Variants in GRHL2 observed in about 807,000 individuals in gnomAD.
GRHL2 encodes the protein grainyhead-like protein 2 homolog.
Under a neutral mutation model 83.8 loss-of-function variants are expected in GRHL2, and 21 were observed. The ratio of observed to expected loss-of-function variants is 0.25; its 90% CI spans 0.18 to 0.36. The LOEUF is 0.36. Ranked by LOEUF, GRHL2 falls within the 10% of genes least tolerant of loss-of-function variation. The pLI is 1.00. For synonymous variants in GRHL2, 280 were observed against 278.9 expected (o/e 1.00, Z -0.04); for missense variants, 623 against 781.8 (o/e 0.80, Z 2.42).
Position 101,558,509 on chromosome 8 carries a change from C to G in GRHL2, c.375C>G (p.Ser125=), listed in dbSNP as rs1224579821. The change falls in exon 4 of 16, where the codon TCC becomes TCG. Residue 125 remains serine (S), a synonymous_variant. Transcript: ENST00000646743. ...TAAAGACTGTTCCAGTGAACCTTTC[C>G]CTAAATCAAGATCACCTGGAGAATT... The part of the protein sequence containing the change: ...QVLKTVPVNL[S]LNQDHLENSK... 6.2e-7 allele frequency: 1 copy of G among 1,614,044 alleles called. No individual in the cohort carries two copies. The highest frequency in any genetic ancestry group is 8.5e-7 in the Non-Finnish European group (1 of 1,180,004).
intron 2 of GRHL2, 25 bp from the exon 3 acceptor site, chr8:101,552,690 G>T: frequency 1.2e-6 from 2 of 1,612,826 alleles, no homozygotes; most frequent in South Asian, 2.2e-5. Context: ...GTGTATGTCT[G>T]ACTGATGGTT....
Position 101,612,020 on chromosome 8 carries a change from C to T in GRHL2, c.1099-7519C>T, listed in dbSNP as rs1021971131. On this transcript the variant is annotated intron_variant, in intron 8 of 15. Coordinates refer to ENST00000646743, the MANE Select transcript of GRHL2 (RefSeq NM_024915.4). ...TTTTTGAGATGGAGTCTCGCTCGCT[C>T]TGTCACCTAGGCTGGATGGAGTGCA... is the stretch of plus-strand genomic sequence containing the variant. Among the ~76,000 whole-genome samples, 7 of 150,896 alleles carry T rather than the reference C, an allele frequency of 4.6e-5. 1 individual carries two copies. Among genetic ancestry groups the T allele is most frequent in the African/African-American group, 1.5e-4 (6 of 40,302 alleles).
At chr8:101,548,770 A>C (rs1054132351) in intron 2 of GRHL2, among the ~76,000 whole-genome samples, 1 of 152,240 alleles carries the variant, frequency 6.6e-6, no homozygotes, top group Non-Finnish European at 1.5e-5. Context: ...GCAAACCCGC[A>C]GGTTAATAAC....
At chr8:101,654,575 C>CAA (rs578120629) in intron 14 of GRHL2, among the ~76,000 whole-genome samples, 15 of 152,128 alleles carry the variant, frequency 9.9e-5, no homozygotes, top group Admixed American at 9.2e-4. Flanking sequence ...AAAAAACGAA[C>CAA]AAAGAGTTTT....
At chr8:101,640,774 T>C (rs148231189) in intron 12 of GRHL2, among the ~76,000 whole-genome samples, 78 of 152,270 alleles carry the variant, frequency 5.1e-4, no homozygotes, top group Middle Eastern at 3.4e-3. Flanking sequence ...GGTTGGGTGA[T>C]CATGTGTTCA....
At chr8:101,647,235 C>T (rs1813529596) in intron 13 of GRHL2, among the ~76,000 whole-genome samples, 1 of 152,186 alleles carries the variant, frequency 6.6e-6, no homozygotes, top group Non-Finnish European at 1.5e-5. Context: ...TGTGATGGCA[C>T]ATGCCTGTAA....
intron 1 of GRHL2, among the ~76,000 whole-genome samples, chr8:101,504,680 T>C (rs1438167088): frequency 6.6e-6 from 1 of 151,988 alleles, no homozygotes; most frequent in Non-Finnish European, 1.5e-5. Context: ...TATATTTTTT[T>C]TAGAGTATAG....
chr8:101,578,512 G>A (rs1299269995), intron 7 of GRHL2, among the ~76,000 whole-genome samples: 1 of 152,210 alleles, frequency 6.6e-6, no homozygotes, highest in East Asian at 1.9e-4. Flanking sequence ...CAAAGTAGGG[G>A]AAGTCAGGGA....
chr8:101,551,088 AT>A (rs1164185533), intron 2 of GRHL2, among the ~76,000 whole-genome samples: 1 of 152,128 alleles, frequency 6.6e-6, no homozygotes, highest in African/African-American at 2.4e-5. Flanking sequence ...GAGTATTGAA[AT>A]TGTATGTTTA....
At chr8:101,495,346 A>C (rs1044385230) in intron 1 of GRHL2, among the ~76,000 whole-genome samples, 2 of 152,260 alleles carry the variant, frequency 1.3e-5, no homozygotes, top group African/African-American at 4.8e-5. Context: ...GTCTGGACTG[A>C]AGTAGCATCG....
intron 2 of GRHL2, chr8:101,543,670 T>G (rs890263316): frequency 1.3e-5 from 7 of 548,792 alleles, no homozygotes; most frequent in Non-Finnish European, 2.3e-5. Context: ...TTTGTGTTCC[T>G]TGTTCACATG....
intron 7 of GRHL2, among the ~76,000 whole-genome samples, chr8:101,595,799 G>A (rs1812378589): frequency 6.6e-6 from 1 of 152,186 alleles, no homozygotes; most frequent in Non-Finnish European, 1.5e-5. Context: ...AGAACAGGAA[G>A]TGTTTCAATA....
intron 14 of GRHL2, among the ~76,000 whole-genome samples, chr8:101,649,893 T>A (rs1813586598): frequency 6.6e-6 from 1 of 152,134 alleles, no homozygotes; most frequent in Non-Finnish European, 1.5e-5. Context: ...ATCTCTTGGT[T>A]AAGAAAAAAA....
At chr8:101,524,341 T>C (rs909837101) in intron 1 of GRHL2, among the ~76,000 whole-genome samples, 5 of 152,338 alleles carry the variant, frequency 3.3e-5, no homozygotes, top group Non-Finnish European at 7.4e-5. Context: ...CTTTACTTCG[T>C]TAATTTGTTT....
chr8:101,649,618 A>G (rs578021704), intron 14 of GRHL2, 119 bp downstream of exon 14: 80 of 761,828 alleles, frequency 1.1e-4, no homozygotes, highest in Non-Finnish European at 3.7e-5. Flanking sequence ...ACAGAACAAG[A>G]AAAACCTAAG....
chr8:101,548,766 C>A (rs936883165), intron 2 of GRHL2, among the ~76,000 whole-genome samples: 1 of 152,174 alleles, frequency 6.6e-6, no homozygotes, highest in Non-Finnish European at 1.5e-5. Context: ...AAGAGCAAAC[C>A]CGCAGGTTAA....
chr8:101,624,083 G>C (rs1232699094), intron 9 of GRHL2, among the ~76,000 whole-genome samples: 2 of 149,078 alleles, frequency 1.3e-5, no homozygotes, highest in Non-Finnish European at 3.0e-5. Context: ...TACACAGTAG[G>C]ACAGTACACA....
chr8:101,623,167 G>A lies in GRHL2; in HGVS notation c.1257+3470G>A, dbSNP rs116523522. 8.9e-3 allele frequency among the ~76,000 whole-genome samples: 1,358 copies of A among 152,358 alleles called. 26 individuals carry two copies. The highest frequency in any genetic ancestry group is 0.078 in the East Asian group (404 of 5,192). ...AACGCATTAACAAGAACTGCACAGG[G>A]GTTAGGGACATGTGGCATAGCAGTA... On this transcript the variant is annotated intron_variant, in intron 9 of 15. Transcript: ENST00000646743.
intron 10 of GRHL2, 113 bp from the exon 11 acceptor site, chr8:101,632,113 C>T: frequency 8.8e-7 from 1 of 1,140,770 alleles, no homozygotes; most frequent in South Asian, 1.2e-5. Flanking sequence ...GTGTTCACAT[C>T]TATGGTATTC....
Sources: allele counts gnomAD v4.1 joint callset (sites outside exome capture counted in the v4.1 genomes callset), GRCh38; gene constraint gnomAD v4.1.1; transcripts MANE v1.5; gene names NCBI Gene and HGNC (gene_info 2026-07-23, HGNC 2026-07-21).